The following RTL4 variants were observed in gnomAD, a reference collection of about 807,000 sequenced individuals.
RTL4 encodes retrotransposon Gag like 4.
A neutral mutation model predicts 5.3 loss-of-function variants in RTL4; 4 were observed. The observed-to-expected ratio is 0.75, with a 90% CI of 0.37 to 1.72. RTL4 has a LOEUF of 1.72. Among genes scored for constraint, RTL4 ranks in the 40% most tolerant of loss-of-function variants. RTL4 has a pLI of 0.04. For synonymous variants in RTL4, 98 were observed against 87.3 expected, an observed-to-expected ratio of 1.12 and a Z score of -0.68; for missense variants, 260 against 227.1, an observed-to-expected ratio of 1.14 and a Z score of -0.93.
the RTL4 span, among the ~76,000 whole-genome samples, chrX:112,302,244 G>C: frequency 0.22 from 22,160 of 98,918 alleles, 2,389 homozygotes; most frequent in Admixed American, 0.31. Context: ...CTGGGCGACA[G>C]AGCAAGACTC....
the RTL4 span, among the ~76,000 whole-genome samples, chrX:112,439,626 A>G: frequency 8.9e-6 from 1 of 111,905 alleles, no homozygotes; most frequent in African/African-American, 3.2e-5. Context: ...TTGATCCCCA[A>G]TGTTGGAGGT....
the RTL4 span, among the ~76,000 whole-genome samples, chrX:112,310,656 A>T: frequency 2.2e-4 from 14 of 63,639 alleles, no homozygotes; most frequent in African/African-American, 9.7e-4. Flanking sequence ...ATTTATATAT[A>T]TTAGTATATT....
chrX:112,260,008 C>T, the RTL4 span, among the ~76,000 whole-genome samples: 1 of 111,607 alleles, frequency 9.0e-6, no homozygotes, highest in Admixed American at 9.5e-5. Context: ...CATGTTAAGT[C>T]GTTCCTAGTA....
chrX:112,321,679 T>A, the RTL4 span, among the ~76,000 whole-genome samples: 1 of 112,312 alleles, frequency 8.9e-6, no homozygotes, highest in Non-Finnish European at 1.9e-5. Context: ...ATATATCTAT[T>A]TAATTTAATC....
chrX:112,277,460 A>G, the RTL4 span, among the ~76,000 whole-genome samples: 1 of 112,065 alleles, frequency 8.9e-6, no homozygotes, highest in Non-Finnish European at 1.9e-5. Context: ...TACAAGAGCA[A>G]TATTTTGGAA....
the RTL4 span, among the ~76,000 whole-genome samples, chrX:112,333,085 TGTG>T: frequency 9.4e-6 from 1 of 106,312 alleles, no homozygotes; most frequent in East Asian, 2.9e-4. Flanking sequence ...CCTTCAATGG[TGTG>T]TGTGTGTGTG....
chrX:112,352,508 G>A, the RTL4 span, among the ~76,000 whole-genome samples: 2 of 110,754 alleles, frequency 1.8e-5, no homozygotes, highest in African/African-American at 6.6e-5. Context: ...ACATAACAGA[G>A]CCCTCAGAAA....
chrX:112,184,573 T>G, the RTL4 span, among the ~76,000 whole-genome samples: 2 of 112,205 alleles, frequency 1.8e-5, no homozygotes, highest in South Asian at 3.8e-4. Context: ...GTTTCCTTCC[T>G]GGCCAAGGTA....
At chrX:112,313,224 A>G in the RTL4 span, among the ~76,000 whole-genome samples, 3 of 111,135 alleles carry the variant, frequency 2.7e-5, no homozygotes, top group Admixed American at 2.9e-4. Flanking sequence ...ATATGGGACT[A>G]TTCTGACTGG....
chrX:112,230,675 T>C, the RTL4 span, among the ~76,000 whole-genome samples: 9 of 112,110 alleles, frequency 8.0e-5, no homozygotes, highest in African/African-American at 1.9e-4. Context: ...GTGCAAGGAC[T>C]TCATGTCTAA....
chrX:112,372,059 C>T, the RTL4 span, among the ~76,000 whole-genome samples: 1 of 110,917 alleles, frequency 9.0e-6, no homozygotes, highest in Non-Finnish European at 1.9e-5. Flanking sequence ...GTGAACAGAC[C>T]CATGTAACTA....
At chrX:112,272,765 T>A in the RTL4 span, among the ~76,000 whole-genome samples, 1 of 111,794 alleles carries the variant, frequency 8.9e-6, no homozygotes, top group Non-Finnish European at 1.9e-5. Flanking sequence ...AATTTTGTCT[T>A]CTAGTGTCCA....
the RTL4 span, among the ~76,000 whole-genome samples, chrX:112,321,609 GAAAAT>G: frequency 9.1e-6 from 1 of 109,667 alleles, no homozygotes; most frequent in East Asian, 2.8e-4. Flanking sequence ...AAGAAAGAAA[GAAAAT>G]AAAACTAAAT....
At chrX:112,345,172 A>G in the RTL4 span, among the ~76,000 whole-genome samples, 2 of 111,001 alleles carry the variant, frequency 1.8e-5, no homozygotes. Context: ...TACTTCCCTT[A>G]TGTCCGTTGT....
the RTL4 span, among the ~76,000 whole-genome samples, chrX:112,102,647 G>T: frequency 9.0e-6 from 1 of 111,039 alleles, no homozygotes; most frequent in Non-Finnish European, 1.9e-5. Context: ...AAAAAGAAAA[G>T]CACAACCTGC....
chrX:112,455,181 G>A lies in RTL4; in HGVS notation c.453G>A (p.Lys151=), dbSNP rs769255780. The stretch of plus-strand genomic sequence containing the variant: ...AAATCAATCCTCTGATGAATGCTAA[G>A]TTTGACAAAGGAGACAACTCCTCTC... The change falls in exon 1 of 1, where the codon AAG becomes AAA. Residue 151 remains lysine (K), a synonymous_variant. Transcript: ENST00000340433. 26 of 1,209,727 alleles carry A rather than the reference G, an allele frequency of 2.1e-5. No homozygotes were observed. In the Admixed American group the frequency reaches 4.8e-4, roughly 22 times the overall value.
the RTL4 span, among the ~76,000 whole-genome samples, chrX:112,132,673 C>A: frequency 8.9e-6 from 1 of 112,160 alleles, no homozygotes; most frequent in Admixed American, 9.4e-5. Context: ...ACCCTAGCAC[C>A]CTGGCTCTGC....
the RTL4 span, among the ~76,000 whole-genome samples, chrX:112,351,824 T>C: frequency 8.9e-6 from 1 of 111,752 alleles, no homozygotes. Flanking sequence ...TTTATCCAAT[T>C]TGCCAGTCTG....
At chrX:112,367,513 C>A in the RTL4 span, among the ~76,000 whole-genome samples, 1 of 112,082 alleles carries the variant, frequency 8.9e-6, no homozygotes, top group African/African-American at 3.2e-5. Context: ...AAGCCTAAAT[C>A]TCTATCACAC....
Sources: gnomAD v4.1 joint callset for allele counts (sites outside exome capture counted in the v4.1 genomes callset) on GRCh38, gnomAD v4.1.1 for gene constraint, MANE v1.5 for transcripts, NCBI Gene and HGNC (gene_info 2026-07-23, HGNC 2026-07-21) for gene names.